Variants in SUMF1 observed in about 807,000 individuals in gnomAD.
SUMF1 encodes formylglycine-generating enzyme.
In SUMF1, 48 loss-of-function variants were observed where a neutral mutation model predicts 47.6. The ratio of observed to expected loss-of-function variants is 1.01; its 90% CI spans 0.80 to 1.28. The LOEUF is 1.28. SUMF1 is among the 50% of genes most tolerant of loss of function. The pLI is 0.00. For synonymous variants in SUMF1, 230 were observed against 192.1 expected, an observed-to-expected ratio of 1.20 and a Z score of -1.63; for missense variants, 571 against 485.4, an observed-to-expected ratio of 1.18 and a Z score of -1.66.
intron 8 of SUMF1, among the ~76,000 whole-genome samples, chr3:4,340,105 G>T: frequency 6.6e-6 from 1 of 150,680 alleles, no homozygotes; most frequent in Admixed American, 6.6e-5. Flanking sequence ...GCACCAATGT[G>T]CACACACACA....
chr3:4,058,998 A>T (rs1363206698), intron 9 of SUMF1, among the ~76,000 whole-genome samples: 1 of 152,158 alleles, frequency 6.6e-6, no homozygotes, highest in Admixed American at 6.6e-5. Context: ...TAAATAAAAA[A>T]TGCCTTTCTT....
intron 9 of SUMF1, among the ~76,000 whole-genome samples, chr3:4,057,635 T>C (rs990174538): frequency 4.6e-5 from 7 of 152,046 alleles, no homozygotes; most frequent in Admixed American, 4.6e-4. Flanking sequence ...GTTATGAATA[T>C]TAAATTACAT....
chr3:4,266,325 T>A (rs535736321), intron 8 of SUMF1, among the ~76,000 whole-genome samples: 88 of 152,238 alleles, frequency 5.8e-4, no homozygotes, highest in Non-Finnish European at 1.0e-3. Flanking sequence ...TTGGGCAGTA[T>A]GGCCATTTTC....
chr3:4,122,858 A>G (rs1337473464), intron 8 of SUMF1, among the ~76,000 whole-genome samples: 1 of 152,192 alleles, frequency 6.6e-6, no homozygotes, highest in Admixed American at 6.5e-5. Context: ...TTGCTGCTGG[A>G]GGAAGCAGTC....
chr3:4,177,976 T>TCC, intron 8 of SUMF1, among the ~76,000 whole-genome samples: 1 of 152,020 alleles, frequency 6.6e-6, no homozygotes, highest in African/African-American at 2.4e-5. Context: ...ATACACCTGC[T>TCC]GAAGACTAAA....
chr3:4,411,123 T>A, intron 6 of SUMF1, 145 bp from the exon 7 acceptor site: 1 of 782,218 alleles, frequency 1.3e-6, no homozygotes, highest in South Asian at 1.5e-5. Context: ...TTGACCAACA[T>A]AAAGACAAAG....
chr3:4,424,360 C>G (rs1701999410), intron 3 of SUMF1, among the ~76,000 whole-genome samples: 1 of 152,156 alleles, frequency 6.6e-6, no homozygotes, highest in African/African-American at 2.4e-5. Flanking sequence ...CCAAAACACA[C>G]TACTTACTTA....
At chr3:4,276,401 C>T (rs1350267186) in intron 8 of SUMF1, among the ~76,000 whole-genome samples, 1 of 60,318 alleles carries the variant, frequency 1.7e-5, no homozygotes, top group East Asian at 2.5e-4. Context: ...TGACAAAGTA[C>T]AAGTTTTGAG....
At chr3:4,309,161 T>C (rs1461474521) in intron 8 of SUMF1, among the ~76,000 whole-genome samples, 1 of 152,104 alleles carries the variant, frequency 6.6e-6, no homozygotes, top group African/African-American at 2.4e-5. Context: ...GGGTTTATTA[T>C]CATGCAGGTG....
intron 8 of SUMF1, among the ~76,000 whole-genome samples, chr3:4,340,629 G>C (rs2059484157): frequency 6.6e-6 from 1 of 152,188 alleles, no homozygotes; most frequent in Admixed American, 6.5e-5. Flanking sequence ...TAATAAATAG[G>C]AGGAGCTTGC....
At position 4,251,364 on chromosome 3, in the gene SUMF1, G is replaced by C. The variant is rs372983179; in HGVS notation, c.1014+124966C>G. On this transcript the variant is annotated intron_variant and NMD_transcript_variant, in intron 8 of 12. Coordinates refer to the SUMF1 transcript ENST00000448413. ...ATGAGTGAAGAAAGTGATTTCTTGA[G>C]ATGGAATCTACTCCTGGTGAAGATG... 1.1e-3 allele frequency among the ~76,000 whole-genome samples: 173 copies of C among 152,314 alleles called. 4 individuals carry two copies. In the South Asian group the frequency reaches 0.035, roughly 31 times the overall value.
intron 6 of SUMF1, 146 bp from the exon 7 acceptor site, chr3:4,411,124 A>G: frequency 1.3e-6 from 1 of 761,600 alleles, no homozygotes; most frequent in East Asian, 2.6e-5. Context: ...TGACCAACAT[A>G]AAGACAAAGA....
intron 6 of SUMF1, among the ~76,000 whole-genome samples, chr3:4,412,351 G>C (rs1701571204): frequency 1.3e-5 from 2 of 152,220 alleles, no homozygotes. Context: ...GCAAGAGAGA[G>C]AAGCTTCTGG....
intron 8 of SUMF1, among the ~76,000 whole-genome samples, chr3:4,123,208 T>G (rs1693583094): frequency 6.6e-6 from 1 of 152,072 alleles, no homozygotes; most frequent in South Asian, 2.1e-4. Context: ...GGAAGCATCT[T>G]TGAAGGAGTA....
intron 8 of SUMF1, among the ~76,000 whole-genome samples, chr3:4,142,730 T>A (rs1694100430): frequency 6.6e-6 from 1 of 151,910 alleles, no homozygotes; most frequent in Non-Finnish European, 1.5e-5. Flanking sequence ...TGCTTAAGAA[T>A]CTCGTGAATG....
At chr3:4,247,150 C>T (rs1203529694) in intron 8 of SUMF1, among the ~76,000 whole-genome samples, 1 of 152,146 alleles carries the variant, frequency 6.6e-6, no homozygotes, top group Admixed American at 6.5e-5. Context: ...TGCCCCATTG[C>T]CCAGATGGTG....
chr3:4,170,506 G>T (rs1396342012), intron 8 of SUMF1, among the ~76,000 whole-genome samples: 1 of 152,102 alleles, frequency 6.6e-6, no homozygotes, highest in Non-Finnish European at 1.5e-5. Context: ...AATAAGGAAG[G>T]GCAGTTAATT....
intron 3 of SUMF1, among the ~76,000 whole-genome samples, chr3:4,423,988 G>A (rs1439307993): frequency 1.3e-5 from 2 of 152,152 alleles, no homozygotes; most frequent in East Asian, 3.8e-4. Context: ...TGTATAGCCT[G>A]CAAAACCATG....
At chr3:4,058,682 C>G (rs1197063906) in intron 9 of SUMF1, among the ~76,000 whole-genome samples, 1 of 152,056 alleles carries the variant, frequency 6.6e-6, no homozygotes, top group Non-Finnish European at 1.5e-5. Flanking sequence ...AAAGAAAATA[C>G]AAAACTGAAG....
Sources: gnomAD v4.1 joint callset for allele counts (sites outside exome capture counted in the v4.1 genomes callset) on GRCh38, gnomAD v4.1.1 for gene constraint, MANE v1.5 for transcripts, NCBI Gene and HGNC (gene_info 2026-07-23, HGNC 2026-07-21) for gene names.